Variants in DLG2 observed in about 807,000 individuals in gnomAD.
DLG2 encodes the protein discs large MAGUK scaffold protein 2, also known as disks large homolog 2.
A neutral mutation model predicts 132.5 loss-of-function variants in DLG2; 45 were observed. That is an observed-to-expected ratio of 0.34 (90% CI 0.27 to 0.44). The LOEUF is 0.44. DLG2 is among the 20% of genes least tolerant of loss of function. The pLI, the probability that DLG2 is intolerant of heterozygous loss-of-function variation, is 1.00. For missense variants in DLG2, 1,045 were observed against 1,196.9 expected, an observed-to-expected ratio of 0.87 and a Z score of 1.87; for synonymous variants, 424 against 419.6, an observed-to-expected ratio of 1.01 and a Z score of -0.13.
At chr11:84,682,969 C>G (rs2099734831) in intron 6 of DLG2, among the ~76,000 whole-genome samples, 1 of 152,154 alleles carries the variant, frequency 6.6e-6, no homozygotes, top group African/African-American at 2.4e-5. Context: ...TCAGTTTTCT[C>G]TTTATCACAA....
chr11:84,993,079 G>A (rs554836943), intron 6 of DLG2, among the ~76,000 whole-genome samples: 1 of 152,306 alleles, frequency 6.6e-6, no homozygotes, highest in East Asian at 1.9e-4. Flanking sequence ...TATATACCAT[G>A]GAATACTATG....
At position 85,577,590 on chromosome 11, in the gene DLG2, A is replaced by G. The variant is rs543301487; in HGVS notation, c.40+21067T>C. On this transcript the variant is annotated intron_variant, in intron 3 of 27. Transcript: ENST00000376104. The stretch of plus-strand genomic sequence containing the variant: ...CCAAGTGGAAGATGCTAAATAGGCA[A>G]TAGTATATATACAGGATACAAGTCA... Among the ~76,000 whole-genome samples, 5 of 152,250 alleles carry G rather than the reference A, an allele frequency of 3.3e-5. No homozygotes were observed. The South Asian group carries it at 8.3e-4, about 25-fold the overall frequency.
chr11:83,925,230 G>T (rs528734892), intron 15 of DLG2, among the ~76,000 whole-genome samples: 1 of 152,118 alleles, frequency 6.6e-6, no homozygotes, highest in South Asian at 2.1e-4. Flanking sequence ...CCCAAATAAA[G>T]CAGATGCCTA....
At chr11:84,215,344 G>A (rs531141961) in intron 8 of DLG2, among the ~76,000 whole-genome samples, 35 of 152,250 alleles carry the variant, frequency 2.3e-4, no homozygotes, top group Admixed American at 3.9e-4. Context: ...TGGGAAGAGC[G>A]TGTATCTGTT....
At chr11:84,172,699 T>C (rs2095852651) in intron 8 of DLG2, among the ~76,000 whole-genome samples, 1 of 152,030 alleles carries the variant, frequency 6.6e-6, no homozygotes, top group Non-Finnish European at 1.5e-5. Flanking sequence ...CCCGCCACCA[T>C]GCGCAGCTAA....
chr11:83,930,356 C>G lies in DLG2; in HGVS notation c.1468G>C (p.Gly490Arg). Residue 490 changes from glycine (G) to arginine (R), a missense_variant, in exon 15 of 28, where the codon GGC becomes CGC. This residue lies in a region of DLG2 where 261 missense variants were observed against 256.1 expected (regional missense o/e 1.02). Coordinates refer to ENST00000376104, the MANE Select transcript of DLG2 (RefSeq NM_001142699.3). ...GTCATCTCAGAGTCAGGTAGCAGGC[C>G]TAGGTGGTAGTGGGAATAGGGAGCT... Reference protein sequence around the residue: ...LSAPYSHYHLGLLPDSEMTSH... With the variant: ...LSAPYSHYHLRLLPDSEMTSH... 1 of 1,613,858 alleles carries G rather than the reference C, an allele frequency of 6.2e-7. No individual in the cohort carries two copies. Among genetic ancestry groups the G allele is most frequent in the Non-Finnish European group, 8.5e-7 (1 of 1,179,886 alleles).
intron 6 of DLG2, among the ~76,000 whole-genome samples, chr11:84,999,114 A>T (rs560515827): frequency 3.9e-5 from 6 of 152,042 alleles, no homozygotes; most frequent in Admixed American, 6.6e-5. Context: ...GGGGAGAATG[A>T]TTGGCTCAGA....
chr11:84,699,814 C>A (rs2153738843), intron 6 of DLG2, among the ~76,000 whole-genome samples: 1 of 151,690 alleles, frequency 6.6e-6, no homozygotes, highest in East Asian at 2.0e-4. Flanking sequence ...TATAGGATAG[C>A]TTCCAGAATT....
chr11:84,342,742 A>G (rs1170139491), intron 7 of DLG2, among the ~76,000 whole-genome samples: 1 of 152,210 alleles, frequency 6.6e-6, no homozygotes, highest in African/African-American at 2.4e-5. Context: ...TATAGGCAAC[A>G]GGCTCAGGGA....
Position 85,470,659 on chromosome 11 carries a change from C to T in DLG2, c.40+127998G>A, listed in dbSNP as rs369564703. Among the ~76,000 whole-genome samples, 24 of 152,152 alleles carry T rather than the reference C, an allele frequency of 1.6e-4. No homozygotes were observed. In the East Asian group the frequency reaches 3.7e-3, roughly 23 times the overall value. On this transcript the variant is annotated intron_variant, in intron 3 of 27. Coordinates refer to ENST00000376104, the MANE Select transcript of DLG2 (RefSeq NM_001142699.3). ...ATGAGAATCACTTGAACCTGGGAAACGGAAGTTGCAGTGAGCCAAAATCAT... is the reference window on the plus strand; with the variant it reads ...ATGAGAATCACTTGAACCTGGGAAATGGAAGTTGCAGTGAGCCAAAATCAT...
intron 11 of DLG2, among the ~76,000 whole-genome samples, chr11:84,028,968 T>C (rs2097586979): frequency 6.6e-6 from 1 of 152,132 alleles, no homozygotes; most frequent in South Asian, 2.1e-4. Flanking sequence ...AAATATCTGT[T>C]ATATAATAAG....
At chr11:84,220,893 A>G (rs1015794451) in intron 8 of DLG2, among the ~76,000 whole-genome samples, 1 of 131,604 alleles carries the variant, frequency 7.6e-6, no homozygotes, top group Admixed American at 8.7e-5. Flanking sequence ...CGATTCTCCC[A>G]CCTTAGTCTC....
chr11:84,114,223 G>A (rs1007023009), intron 9 of DLG2, among the ~76,000 whole-genome samples: 6 of 151,850 alleles, frequency 4.0e-5, no homozygotes, highest in African/African-American at 1.5e-4. Flanking sequence ...ATAAACTATA[G>A]GAGCTCTTCA....
chr11:84,905,629 A>C (rs930894778), intron 6 of DLG2, among the ~76,000 whole-genome samples: 11 of 152,204 alleles, frequency 7.2e-5, no homozygotes, highest in African/African-American at 1.9e-4. Flanking sequence ...CAGCCACCAC[A>C]GAAGTCTCCA....
chr11:84,603,985 A>C (rs2099581148), intron 6 of DLG2, among the ~76,000 whole-genome samples: 1 of 151,916 alleles, frequency 6.6e-6, no homozygotes. Flanking sequence ...AAATGATATC[A>C]CTACCACCAC....
Position 84,294,531 on chromosome 11 carries a change from A to T in DLG2, c.520-43240T>A, listed in dbSNP as rs2098060647. Among the ~76,000 whole-genome samples, 3 of 152,146 alleles carry T rather than the reference A, an allele frequency of 2.0e-5. No individual in the cohort carries two copies. In the South Asian group the frequency reaches 6.2e-4, roughly 32 times the overall value. On this transcript the variant is annotated intron_variant, in intron 7 of 27. Transcript: ENST00000376104. ...AAGAATCGCTTGAACCTGGGAGGTG[A>T]AGGTTGCAGTGAGCCGAGATCGCGG... is the stretch of plus-strand genomic sequence containing the variant.
In DLG2 at chr11:84,763,405, C is replaced by T. The variant is rs2067929127; in HGVS notation, c.358-228674G>A. Reference sequence around the variant, plus strand: ...TCCATCTCTTGAGTTTAATCAGCTTCCATTTACCTATCCATTTGCTTCTTA... The same window carrying T: ...TCCATCTCTTGAGTTTAATCAGCTTTCATTTACCTATCCATTTGCTTCTTA... On this transcript the variant is annotated intron_variant, in intron 6 of 27. Coordinates refer to ENST00000376104, the MANE Select transcript of DLG2 (RefSeq NM_001142699.3). 2 of 152,118 alleles carry T rather than the reference C, an allele frequency of 1.3e-5. 1 individual carries two copies. The highest frequency in any genetic ancestry group is 4.1e-4 in the South Asian group (2 of 4,828). The allele number at this position is 152,118 out of a possible 1,614,324, so 9.4% of individuals were successfully genotyped here.
intron 6 of DLG2, among the ~76,000 whole-genome samples, chr11:85,019,715 G>A (rs534206645): frequency 2.8e-4 from 42 of 152,210 alleles, no homozygotes; most frequent in African/African-American, 9.4e-4. Flanking sequence ...GAGAACATGC[G>A]GTGTTTGGTT....
chr11:85,339,776 T>A (rs2082360326), intron 3 of DLG2, among the ~76,000 whole-genome samples: 1 of 152,178 alleles, frequency 6.6e-6, no homozygotes, highest in Admixed American at 6.5e-5. Flanking sequence ...TACAAAGAAC[T>A]CAAACAAATT....
Sources: gnomAD v4.1 joint callset for allele counts (sites outside exome capture counted in the v4.1 genomes callset) on GRCh38, gnomAD v4.1.1 for gene constraint, gnomAD v4.1.1 regional missense constraint, MANE v1.5 for transcripts, NCBI Gene and HGNC (gene_info 2026-07-23, HGNC 2026-07-21) for gene names.